GPAM: variants seen among roughly 807,000 people sequenced by gnomAD.
GPAM encodes the protein glycerol-3-phosphate acyltransferase 1, mitochondrial.
Under a neutral mutation model 105.0 loss-of-function variants are expected in GPAM, and 56 were observed. The ratio of observed to expected loss-of-function variants is 0.53; its 90% CI spans 0.43 to 0.67. GPAM has a LOEUF of 0.67. GPAM is among the 30% of genes least tolerant of loss of function. The pLI, the probability that GPAM is intolerant of heterozygous loss-of-function variation, is 0.00. For synonymous variants in GPAM, 368 were observed against 354.4 expected (o/e 1.04, Z -0.43); for missense variants, 855 against 989.8 (o/e 0.86, Z 1.83).
At chr10:112,212,270 T>TA (rs1847919119) in intron 1 of GPAM, among the ~76,000 whole-genome samples, 1 of 152,170 alleles carries the variant, frequency 6.6e-6, no homozygotes, top group Non-Finnish European at 1.5e-5. Context: ...TTTTCGCTGT[T>TA]ACTTTTTTTT....
At chr10:112,162,141 TC>T (rs1245756495) in intron 14 of GPAM, among the ~76,000 whole-genome samples, 27 of 152,352 alleles carry the variant, frequency 1.8e-4, no homozygotes, top group African/African-American at 6.5e-4. Context: ...ACTTCACTCT[TC>T]TTGCTGGTAT....
Position 112,151,008 on chromosome 10 carries a change from GTTTT to G in GPAM, c.*2538_*2541del, listed in dbSNP as rs974127507. 2 of 985,456 alleles carry G rather than the reference GTTTT, an allele frequency of 2.0e-6. No individual in the cohort carries two copies. Among genetic ancestry groups the G allele is most frequent in the Non-Finnish European group, 2.4e-6 (2 of 829,808 alleles). The allele number at this position is 985,456 out of a possible 1,614,324, so 61.0% of individuals were successfully genotyped here. A position where few individuals can be genotyped will look rare whatever the true frequency, so the allele number is the denominator to read the frequency against. ...ACATTTCCCACTAGTTTTTGCCTTTGTTTTTCATGCATTTTCAGAGTGCACAACT... is the reference window on the plus strand; with the variant it reads ...ACATTTCCCACTAGTTTTTGCCTTTGTCATGCATTTTCAGAGTGCACAACT... On this transcript the variant is annotated 3_prime_UTR_variant, in exon 22 of 22. Coordinates refer to ENST00000348367, the MANE Select transcript of GPAM (RefSeq NM_001244949.2).
chr10:112,180,811 A>C (rs1380552372), intron 3 of GPAM, among the ~76,000 whole-genome samples: 1 of 152,174 alleles, frequency 6.6e-6, no homozygotes, highest in East Asian at 1.9e-4. Context: ...TACACACTGA[A>C]GGCAGTATTC....
At chr10:112,176,265 C>T (rs924903915) in intron 5 of GPAM, among the ~76,000 whole-genome samples, 1 of 152,084 alleles carries the variant, frequency 6.6e-6, no homozygotes, top group African/African-American at 2.4e-5. Context: ...TCTAGGCTAA[C>T]GAAGCCAGAA....
chr10:112,153,901 C>T (rs750309551), intron 21 of GPAM: 38 of 449,804 alleles, frequency 8.4e-5, no homozygotes, highest in Middle Eastern at 6.5e-4. Context: ...GGAGTTCAAC[C>T]AACATTAACT....
In GPAM at chr10:112,159,853, G is replaced by T. The variant is rs1045366402; in HGVS notation, c.1902+58C>A. 3 of 1,558,786 alleles carry T rather than the reference G, an allele frequency of 1.9e-6. No individual in the cohort carries two copies. In the South Asian group the frequency reaches 3.3e-5, roughly 17 times the overall value. ...CTAACAGAAAAACACGGGGGGTTAC[G>T]TTTTCATGAAAACGCTCAAGAAAAG... On this transcript the variant is annotated intron_variant, in intron 17 of 21. Transcript: ENST00000348367.
At position 112,168,498 on chromosome 10, in the gene GPAM, C is replaced by A. The variant is rs759189436; in HGVS notation, c.921G>T (p.Gln307His). ...HGHIVELLRQQQFLEIFLEGT... is the reference protein window; with the variant it reads ...HGHIVELLRQHQFLEIFLEGT... ...CTTCCAGGAAGATCTCCAAGAATTGCTGCTGTCGAAGTAATTCAACTATAT... is the reference window on the plus strand; with the variant it reads ...CTTCCAGGAAGATCTCCAAGAATTGATGCTGTCGAAGTAATTCAACTATAT... The change falls in exon 11 of 22, where the codon CAG (glutamine) becomes CAT (histidine). Residue 307 changes from glutamine to histidine, a missense_variant. Coordinates refer to ENST00000348367, the MANE Select transcript of GPAM (RefSeq NM_001244949.2). 2.6e-5 allele frequency: 42 copies of A among 1,610,808 alleles called. No homozygotes were observed. The Middle Eastern group carries it at 8.3e-4, about 32-fold the overall frequency.
intron 21 of GPAM, chr10:112,154,285 A>G: frequency 3.1e-6 from 1 of 326,014 alleles, no homozygotes; most frequent in Non-Finnish European, 5.7e-6. Context: ...AAATCCCAAA[A>G]AAATCTGAAA....
rs995904627 is a variant in GPAM, at chr10:112,157,172, G to A, written c.2121+77C>T. On this transcript the variant is annotated intron_variant, in intron 19 of 21. Transcript: ENST00000348367. ...TTCTTTAGATAAGAAGACATCACCA[G>A]GACTCCAGCTGATCTCACTGCAGCA... 5 of 1,254,386 alleles carry A rather than the reference G, an allele frequency of 4.0e-6. No homozygotes were observed. In the African/African-American group the frequency reaches 7.3e-5, roughly 18 times the overall value. The allele number at this position is 1,254,386 out of a possible 1,614,324, so 77.7% of individuals were successfully genotyped here.
chr10:112,200,959 T>G (rs1847790547), intron 1 of GPAM, among the ~76,000 whole-genome samples: 1 of 152,348 alleles, frequency 6.6e-6, no homozygotes, highest in East Asian at 1.9e-4. Flanking sequence ...TTATGGGAAC[T>G]GAGCTGTGAA....
At chr10:112,163,364 A>G (rs1316572209) in intron 14 of GPAM, among the ~76,000 whole-genome samples, 1 of 152,180 alleles carries the variant, frequency 6.6e-6, no homozygotes, top group African/African-American at 2.4e-5. Context: ...ACATGCAACT[A>G]TAAATCTAGA....
chr10:112,160,189 C>T lies in GPAM; in HGVS notation c.1760-136G>A, dbSNP rs1023185462. 65 of 979,070 alleles carry T rather than the reference C, an allele frequency of 6.6e-5. 1 individual carries two copies. The highest frequency in any genetic ancestry group is 1.1e-5 in the Non-Finnish European group (7 of 645,960). 60.6% of individuals were successfully genotyped at this position (979,070 alleles called of 1,614,324 possible). On this transcript the variant is annotated intron_variant, in intron 16 of 21. Transcript: ENST00000348367. ...TATTTGGAGAAATTTAAGTAAATCC[C>T]ATAAGACTAAATTCTTATGATTCCA...
chr10:112,153,869 AT>A (rs3052610), intron 21 of GPAM: 78,580 of 453,174 alleles, frequency 0.17, 3,633 homozygotes, highest in African/African-American at 0.3. Context: ...TTCTTTTTCT[AT>A]TTTTTTTTTT....
rs1285860819 is a variant in GPAM at position 112,152,517 on chromosome 10, G to C, written c.*1033C>G. 4 of 985,072 alleles carry C rather than the reference G, an allele frequency of 4.1e-6. No homozygotes were observed. The highest frequency in any genetic ancestry group is 3.6e-6 in the Non-Finnish European group (3 of 829,616). 61.0% of individuals were successfully genotyped at this position (985,072 alleles called of 1,614,324 possible). A position where few individuals can be genotyped will look rare whatever the true frequency, so the allele number is the denominator to read the frequency against. ...GGACAGGTTGTGCACGGCACAACTCGAGTGGGTACCAGTCACCTGGACTGG... is the reference window on the plus strand; with the variant it reads ...GGACAGGTTGTGCACGGCACAACTCCAGTGGGTACCAGTCACCTGGACTGG... On this transcript the variant is annotated 3_prime_UTR_variant, in exon 22 of 22. Transcript: ENST00000348367.
intron 17 of GPAM, among the ~76,000 whole-genome samples, chr10:112,159,254 T>TCTGTCA (rs1490157910): frequency 3.0e-5 from 4 of 133,576 alleles, no homozygotes; most frequent in African/African-American, 1.1e-4. Flanking sequence ...GGAGTCTCGC[T>TCTGTCA]CTGTCACTCA....
chr10:112,152,614 G>A lies in GPAM; in HGVS notation c.*936C>T. The A allele has an allele frequency of 2.0e-6, 2 of 985,370 alleles. No individual in the cohort carries two copies. The highest frequency in any genetic ancestry group is 2.4e-6 in the Non-Finnish European group (2 of 829,878). 61.0% of individuals were successfully genotyped at this position (985,370 alleles called of 1,614,324 possible). A position where few individuals can be genotyped will look rare whatever the true frequency, so the allele number is the denominator to read the frequency against. On this transcript the variant is annotated 3_prime_UTR_variant, in exon 22 of 22. Transcript: ENST00000348367. ...GTGGCCAGAGAACTGTATTCTAACA[G>A]TCTGTCAGCTCAAGCTAATCAAGTT...
chr10:112,154,463 G>A (rs1846978474), intron 21 of GPAM, 166 bp downstream of exon 21: 1 of 651,536 alleles, frequency 1.5e-6, no homozygotes, highest in Non-Finnish European at 2.8e-6. Context: ...CTTCAACATA[G>A]CCCAACCCAT....
Position 112,196,508 on chromosome 10 carries a change from C to T in GPAM, n.211-13617G>A, listed in dbSNP as rs537210030. 1.1e-4 allele frequency among the ~76,000 whole-genome samples: 17 copies of T among 152,224 alleles called. No individual in the cohort carries two copies. The South Asian group carries it at 3.5e-3, about 32-fold the overall frequency. ...GTAACTGTCTTTGGCTTTTAACTTA[C>T]AGATTTCCCAAAAGAAAAGGCCTCC... On this transcript the variant is annotated intron_variant and non_coding_transcript_variant, in intron 1 of 3. Transcript: ENST00000480130.
At position 112,201,758 on chromosome 10, in the gene GPAM, T is replaced by A. The variant is rs543144566; in HGVS notation, n.210+13410A>T. 9.8e-5 allele frequency among the ~76,000 whole-genome samples: 15 copies of A among 152,324 alleles called. No individual in the cohort carries two copies. The South Asian group carries it at 3.1e-3, about 32-fold the overall frequency. ...GTTGATTTTTTTTTCTTGACCATTG[T>A]CTATCTTCCTCATTAGAATGTGAGC... On this transcript the variant is annotated intron_variant and non_coding_transcript_variant, in intron 1 of 3. Coordinates refer to the GPAM transcript ENST00000480130.
Sources: allele counts gnomAD v4.1 joint callset (sites outside exome capture counted in the v4.1 genomes callset), GRCh38; gene constraint gnomAD v4.1.1; transcripts MANE v1.5; gene names NCBI Gene and HGNC (gene_info 2026-07-23, HGNC 2026-07-21).